KLHL14: variants seen among roughly 807,000 people sequenced by gnomAD.
KLHL14 encodes kelch like family member 14, also known as kelch-like protein 14.
Under a neutral mutation model 64.3 loss-of-function variants are expected in KLHL14, and 22 were observed. The observed-to-expected ratio is 0.34, with a 90% CI of 0.24 to 0.49. KLHL14 has a LOEUF of 0.49. Among genes scored for constraint, KLHL14 ranks in the 20% least tolerant of loss-of-function variants. KLHL14 has a pLI of 0.99. For missense variants in KLHL14, 661 were observed against 789.0 expected (o/e 0.84, Z 1.94); for synonymous variants, 322 against 333.4 (o/e 0.97, Z 0.37).
intron 3 of KLHL14, among the ~76,000 whole-genome samples, chr18:32,732,785 G>A (rs1366465915): frequency 6.6e-6 from 1 of 152,184 alleles, no homozygotes; most frequent in African/African-American, 2.4e-5. Context: ...ACTGATACAG[G>A]TGCTGGTACC....
intron 4 of KLHL14, among the ~76,000 whole-genome samples, chr18:32,689,980 G>A (rs1324008963): frequency 6.6e-6 from 1 of 152,134 alleles, no homozygotes; most frequent in Non-Finnish European, 1.5e-5. Flanking sequence ...ATAGTAGCCA[G>A]CTTGGCTGTG....
intron 3 of KLHL14, chr18:32,733,881 C>T (rs573375599): frequency 7.1e-5 from 26 of 367,092 alleles, no homozygotes; most frequent in South Asian, 4.4e-4. Context: ...TCCAAATGAA[C>T]GTGTTTACTG....
intron 3 of KLHL14, among the ~76,000 whole-genome samples, chr18:32,697,263 C>T (rs2049941439): frequency 6.6e-6 from 1 of 152,188 alleles, no homozygotes; most frequent in Non-Finnish European, 1.5e-5. Context: ...GTTTTCTTCC[C>T]TTTAATTAGT....
intron 4 of KLHL14, among the ~76,000 whole-genome samples, chr18:32,692,268 G>A (rs2049911260): frequency 6.6e-6 from 1 of 152,086 alleles, no homozygotes; most frequent in Admixed American, 6.5e-5. Context: ...GTACATGTTT[G>A]TGTTTTATGA....
intron 2 of KLHL14, among the ~76,000 whole-genome samples, chr18:32,746,243 AT>A (rs1448089189): frequency 2.6e-5 from 4 of 152,244 alleles, no homozygotes; most frequent in Admixed American, 2.6e-4. Flanking sequence ...GGTTAATAAT[AT>A]TTGAATGTCT....
At position 32,770,969 on chromosome 18, in the gene KLHL14, C is replaced by A. The variant is rs747277168; in HGVS notation, c.-43-335G>T. 1.1e-5 allele frequency: 5 copies of A among 435,232 alleles called. No individual in the cohort carries two copies. The highest frequency in any genetic ancestry group is 2.3e-5 in the Non-Finnish European group (5 of 219,946). 27.0% of individuals were successfully genotyped at this position (435,232 alleles called of 1,614,324 possible). On this transcript the variant is annotated intron_variant, in intron 1 of 8. Transcript: ENST00000359358. This position sits in a 1 kb window ranked among gnomAD's most constrained non-coding sequence, Gnocchi z 6.7. ...CTGTTGGCAGCAACAGCAGTGGCAG[C>A]AGCGACGGCAAAGTGGCGGCTGAGG...
At chr18:32,712,576 G>A (rs1179053742) in intron 3 of KLHL14, among the ~76,000 whole-genome samples, 1 of 152,090 alleles carries the variant, frequency 6.6e-6, no homozygotes, top group Non-Finnish European at 1.5e-5. Flanking sequence ...TCTCCTATCA[G>A]CAGGGAAACA....
At chr18:32,693,800 A>G (rs1420344627) in intron 4 of KLHL14, among the ~76,000 whole-genome samples, 1 of 152,148 alleles carries the variant, frequency 6.6e-6, no homozygotes, top group African/African-American at 2.4e-5. Context: ...AAATCAGTGT[A>G]ATCCAACAGC....
rs764131771 is a variant in KLHL14 at position 32,673,381 on chromosome 18, G to A, written c.*1276C>T. On this transcript the variant is annotated 3_prime_UTR_variant, in exon 9 of 9. Transcript: ENST00000359358. The stretch of plus-strand genomic sequence containing the variant: ...CTAAAGTTGTTGTTCAAGCTCTGGA[G>A]GGCTTGAAAATCGAATGTGCATTCC... 3.3e-5 allele frequency: 5 copies of A among 152,150 alleles called. No individual in the cohort carries two copies. The highest frequency in any genetic ancestry group is 4.4e-5 in the Non-Finnish European group (3 of 68,028). 9.4% of individuals were successfully genotyped at this position (152,150 alleles called of 1,614,324 possible). A position where few individuals can be genotyped will look rare whatever the true frequency, so the allele number is the denominator to read the frequency against.
intron 5 of KLHL14, among the ~76,000 whole-genome samples, chr18:32,681,338 C>T (rs572505812): frequency 3.9e-5 from 6 of 152,118 alleles, no homozygotes; most frequent in African/African-American, 1.4e-4. Context: ...TAAAATATGC[C>T]ATAATTTAGG....
chr18:32,763,727 A>T (rs1316175854), intron 2 of KLHL14, among the ~76,000 whole-genome samples: 2 of 152,140 alleles, frequency 1.3e-5, no homozygotes, highest in African/African-American at 4.8e-5. Context: ...TTTTTATTGC[A>T]CATTAGCTTT....
chr18:32,738,236 A>T (rs947485250), intron 3 of KLHL14: 9 of 152,184 alleles, frequency 5.9e-5, no homozygotes, highest in Non-Finnish European at 1.3e-4. Context: ...GAAATCTATT[A>T]TCAAAAGTAC....
intron 3 of KLHL14, among the ~76,000 whole-genome samples, chr18:32,728,662 A>G (rs2050119099): frequency 6.6e-6 from 1 of 152,196 alleles, no homozygotes. Flanking sequence ...TCTTGTTGTA[A>G]TGGTAAGGAT....
At chr18:32,751,582 A>G (rs985301006) in intron 2 of KLHL14, among the ~76,000 whole-genome samples, 1 of 152,120 alleles carries the variant, frequency 6.6e-6, no homozygotes, top group Admixed American at 6.6e-5. Context: ...TACTTCCCAG[A>G]GTCTGACTTT....
intron 2 of KLHL14, chr18:32,744,281 C>G (rs2050213518): frequency 6.6e-6 from 1 of 151,964 alleles, no homozygotes; most frequent in Non-Finnish European, 1.5e-5. Flanking sequence ...TCGAGACCAG[C>G]CTGACCAACA....
At chr18:32,759,104 T>C (rs1190088878) in intron 2 of KLHL14, among the ~76,000 whole-genome samples, 1 of 152,214 alleles carries the variant, frequency 6.6e-6, no homozygotes, top group Admixed American at 6.5e-5. Context: ...GTATAGTATA[T>C]TAATTACATC....
rs140762926 is a variant in KLHL14, at chr18:32,722,480, C to T, written c.1069+19448G>A. On this transcript the variant is annotated intron_variant, in intron 3 of 8. Coordinates refer to ENST00000359358, the MANE Select transcript of KLHL14 (RefSeq NM_020805.3). ...AAACTCATGGAGCCCAGCAGGGAGC[C>T]ACAGTACTGAAGACATCATGGTCTC... is the stretch of plus-strand genomic sequence containing the variant. Among the ~76,000 whole-genome samples, 7 of 152,260 alleles carry T rather than the reference C, an allele frequency of 4.6e-5. No individual in the cohort carries two copies. In the East Asian group the frequency reaches 9.7e-4, roughly 21 times the overall value.
intron 1 of KLHL14, chr18:32,772,202 C>T (rs1477692461): frequency 7.5e-6 from 3 of 397,458 alleles, no homozygotes; most frequent in Non-Finnish European, 1.5e-5. Context: ...GCTCACTCTG[C>T]CCTGCCTGGC....
intron 3 of KLHL14, among the ~76,000 whole-genome samples, chr18:32,728,075 A>G (rs1044289579): frequency 5.3e-5 from 8 of 152,204 alleles, no homozygotes; most frequent in Admixed American, 2.0e-4. Flanking sequence ...TTCAATTAAT[A>G]ACAAAGAGGA....
Sources: allele counts gnomAD v4.1 joint callset (sites outside exome capture counted in the v4.1 genomes callset), GRCh38; gene constraint gnomAD v4.1.1; non-coding constraint Gnocchi (gnomAD v3.1); transcripts MANE v1.5; gene names NCBI Gene and HGNC (gene_info 2026-07-23, HGNC 2026-07-21).